The following SPAST variants were observed in gnomAD, a reference collection of about 807,000 sequenced individuals.
SPAST encodes spastin.
SPAST carries 30 observed loss-of-function variants against 76.6 expected under a neutral mutation model. The ratio of observed to expected loss-of-function variants is 0.39; its 90% confidence interval spans 0.29 to 0.53. The LOEUF is 0.53. Ranked by LOEUF, SPAST falls within the 20% of genes least tolerant of loss-of-function variation. SPAST has a pLI of 0.68. For missense variants in SPAST, 717 were observed against 770.5 expected, an observed-to-expected ratio of 0.93 and a Z score of 0.82; for synonymous variants, 305 against 281.0, an observed-to-expected ratio of 1.09 and a Z score of -0.86.
intron 7 of SPAST, among the ~76,000 whole-genome samples, chr2:32,119,922 G>A (rs1053107586): frequency 4.6e-5 from 7 of 151,468 alleles, no homozygotes; most frequent in African/African-American, 1.7e-4. Context: ...TTGTTCTCTT[G>A]CTGCTTAAAT....
chr2:32,085,771 T>C (rs1315399994), intron 1 of SPAST, among the ~76,000 whole-genome samples: 1 of 152,004 alleles, frequency 6.6e-6, no homozygotes, highest in Non-Finnish European at 1.5e-5. Flanking sequence ...GTGCGGTGGC[T>C]CGTGAGCGCC....
intron 9 of SPAST, chr2:32,128,767 C>T (rs1679279567): frequency 2.5e-6 from 1 of 404,968 alleles, no homozygotes; most frequent in South Asian, 2.3e-5. Context: ...AGTCTAAGAT[C>T]AGTCAAAATG....
At chr2:32,142,741 C>A (rs1476212247) in intron 13 of SPAST, among the ~76,000 whole-genome samples, 1 of 152,026 alleles carries the variant, frequency 6.6e-6, no homozygotes, top group Non-Finnish European at 1.5e-5. Flanking sequence ...AGTGGGTTGT[C>A]AGGGTGAGAG....
intron 16 of SPAST, among the ~76,000 whole-genome samples, chr2:32,149,307 C>G (rs1679999701): frequency 7.0e-6 from 1 of 143,820 alleles, no homozygotes; most frequent in Non-Finnish European, 1.5e-5. Flanking sequence ...CTATGTTGGC[C>G]AGGTGGGTCT....
intron 4 of SPAST, among the ~76,000 whole-genome samples, chr2:32,111,269 TATACA>T (rs1678583709): frequency 2.0e-5 from 2 of 100,492 alleles, no homozygotes; most frequent in African/African-American, 6.9e-5. Flanking sequence ...ATAGCGTATA[TATACA>T]GTATACTATA....
At chr2:32,099,885 T>TAC (rs1454155515) in intron 4 of SPAST, among the ~76,000 whole-genome samples, 1 of 152,182 alleles carries the variant, frequency 6.6e-6, no homozygotes, top group Non-Finnish European at 1.5e-5. Context: ...TGTGTATATA[T>TAC]ACCACATTTT....
Position 32,155,507 on chromosome 2 carries a change from ATTAT to A in SPAST, c.*1013_*1016del, listed in dbSNP as rs1680223946. ...GAACTACCATCTTTTATTCTTAATAATTATTAATCCCTTCAATGAAACTTTAAAA... is the reference window on the plus strand; with the variant it reads ...GAACTACCATCTTTTATTCTTAATAATAATCCCTTCAATGAAACTTTAAAA... On this transcript the variant is annotated 3_prime_UTR_variant, in exon 17 of 17. Transcript: ENST00000315285. 6.6e-6 allele frequency: 1 copy of A among 152,508 alleles called. No homozygotes were observed. The highest frequency in any genetic ancestry group is 1.5e-5 in the Non-Finnish European group (1 of 68,022). The allele number at this position is 152,508 out of a possible 1,614,324, so 9.4% of individuals were successfully genotyped here.
chr2:32,091,210 G>C (rs1218166632), intron 3 of SPAST, among the ~76,000 whole-genome samples: 1 of 149,366 alleles, frequency 6.7e-6, no homozygotes, highest in African/African-American at 2.5e-5. Context: ...TATTTTGCAT[G>C]TCTGGGTCTT....
At chr2:32,085,661 T>C (rs1327503050) in intron 1 of SPAST, among the ~76,000 whole-genome samples, 1 of 152,130 alleles carries the variant, frequency 6.6e-6, no homozygotes, top group Non-Finnish European at 1.5e-5. Context: ...ATTTTCAGGG[T>C]GAAGAAACAG....
intron 12 of SPAST, among the ~76,000 whole-genome samples, chr2:32,139,899 G>A (rs951098954): frequency 6.6e-6 from 1 of 151,162 alleles, no homozygotes; most frequent in African/African-American, 2.4e-5. Context: ...TGATGAAGGA[G>A]GTGAAAGAAT....
chr2:32,097,587 A>G (rs1345890878), intron 3 of SPAST, among the ~76,000 whole-genome samples: 1 of 151,402 alleles, frequency 6.6e-6, no homozygotes, highest in Non-Finnish European at 1.5e-5. Flanking sequence ...TCTGCCTGAC[A>G]TATGTTAATG....
chr2:32,130,428 C>T (rs1679331610), intron 9 of SPAST: 1 of 151,960 alleles, frequency 6.6e-6, no homozygotes, highest in African/African-American at 2.4e-5. Context: ...CACCGAAATC[C>T]AGAGGTGAGG....
At position 32,128,119 on chromosome 2, in the gene SPAST, T is replaced by C. The variant is rs216540; in HGVS notation, c.1174-289T>C. 1 allele frequency: 352,593 copies of C among 354,196 alleles called. 175,517 individuals carry two copies. Among genetic ancestry groups the C allele is most frequent in the Middle Eastern group, 1 (1,074 of 1,074 alleles). 21.9% of individuals were successfully genotyped at this position (354,196 alleles called of 1,614,324 possible). The stretch of plus-strand genomic sequence containing the variant: ...AAGCAATTCTGCCACGTCAGCTTCC[T>C]GAGTAGCTGGGATTACAGGCATGCG... On this transcript the variant is annotated intron_variant, in intron 8 of 16. Coordinates refer to ENST00000315285, the MANE Select transcript of SPAST (RefSeq NM_014946.4).
chr2:32,120,429 C>T (rs1342076697), intron 7 of SPAST, among the ~76,000 whole-genome samples: 1 of 152,014 alleles, frequency 6.6e-6, no homozygotes, highest in Non-Finnish European at 1.5e-5. Flanking sequence ...CTATTTTTTC[C>T]TTGTACAGCC....
At chr2:32,090,981 T>C (rs1677690997) in intron 3 of SPAST, among the ~76,000 whole-genome samples, 1 of 152,146 alleles carries the variant, frequency 6.6e-6, no homozygotes, top group South Asian at 2.1e-4. Flanking sequence ...TCTGTCATTC[T>C]TTCAGCATTC....
intron 1 of SPAST, among the ~76,000 whole-genome samples, chr2:32,073,482 C>T (rs1053835139): frequency 6.6e-6 from 1 of 152,000 alleles, no homozygotes; most frequent in Non-Finnish European, 1.5e-5. Context: ...TTTCTTCACT[C>T]TTTTTTTTAA....
In SPAST at chr2:32,157,386, T is replaced by C. The variant is rs929562181; in HGVS notation, c.*2890T>C. Reference sequence around the variant, plus strand: ...GGAAAAGCAGATACTAGAATTCTAATTTAATTACATATACAGCCGTCTTTG... The same window carrying C: ...GGAAAAGCAGATACTAGAATTCTAACTTAATTACATATACAGCCGTCTTTG... On this transcript the variant is annotated 3_prime_UTR_variant, in exon 17 of 17. Coordinates refer to ENST00000315285, the MANE Select transcript of SPAST (RefSeq NM_014946.4). 1 of 152,690 alleles carries C rather than the reference T, an allele frequency of 6.5e-6. No individual in the cohort carries two copies. The highest frequency in any genetic ancestry group is 2.4e-5 in the African/African-American group (1 of 41,472). 9.5% of individuals were successfully genotyped at this position (152,690 alleles called of 1,614,324 possible).
At chr2:32,071,995 A>G (rs974637683) in intron 1 of SPAST, among the ~76,000 whole-genome samples, 3 of 152,348 alleles carry the variant, frequency 2.0e-5, no homozygotes, top group Non-Finnish European at 2.9e-5. Context: ...CCATTTCAGA[A>G]TATGTCAAAG....
chr2:32,072,178 G>A (rs1676777450), intron 1 of SPAST, among the ~76,000 whole-genome samples: 1 of 151,536 alleles, frequency 6.6e-6, no homozygotes, highest in Non-Finnish European at 1.5e-5. Flanking sequence ...GAGTAGCTGG[G>A]ACTACAGGCG....
Sources: allele counts gnomAD v4.1 joint callset (sites outside exome capture counted in the v4.1 genomes callset), GRCh38; gene constraint gnomAD v4.1.1; transcripts MANE v1.5; gene names NCBI Gene and HGNC (gene_info 2026-07-23, HGNC 2026-07-21).